Variants in KLHL32 observed in about 807,000 individuals in gnomAD.
The protein encoded by KLHL32 is kelch like family member 32.
KLHL32 carries 35 observed loss-of-function variants against 64.8 expected under a neutral mutation model. The observed-to-expected ratio is 0.54, with a 90% confidence interval of 0.41 to 0.72. The LOEUF is 0.72. Ranked by LOEUF, KLHL32 falls within the 30% of genes least tolerant of loss-of-function variation. KLHL32 has a pLI of 0.00. For synonymous variants in KLHL32, 259 were observed against 281.0 expected (o/e 0.92, Z 0.78); for missense variants, 589 against 768.5 (o/e 0.77, Z 2.76).
At chr6:97,092,077 C>T (rs1321245935) in intron 6 of KLHL32, among the ~76,000 whole-genome samples, 5 of 151,864 alleles carry the variant, frequency 3.3e-5, no homozygotes, top group African/African-American at 1.2e-4. Context: ...GCAACCTCCG[C>T]CTCCCGAGTT....
rs756884883 is a variant in KLHL32, at chr6:97,139,156, A to G, written c.1737A>G (p.Val579=). ...TAAGCAGAGAAGGCAAAGAAGAAGT[A>G]TTCTATGGGCCTACACTCCCTTTTG... ...LDVSREGKEE[V]FYGPTLPFAS... The change falls in exon 11 of 11, where the codon GTA becomes GTG. Residue 579 remains valine, a synonymous_variant. Coordinates refer to ENST00000369261, the MANE Select transcript of KLHL32 (RefSeq NM_052904.4). The G allele has an allele frequency of 1.9e-6, 3 of 1,613,918 alleles. No homozygotes were observed. The highest frequency in any genetic ancestry group is 2.2e-5 in the South Asian group (2 of 91,058).
At chr6:97,116,676 C>T (rs185981412) in intron 7 of KLHL32, among the ~76,000 whole-genome samples, 1 of 152,216 alleles carries the variant, frequency 6.6e-6, no homozygotes, top group South Asian at 2.1e-4. Flanking sequence ...GATTTAATAC[C>T]TTCTTCAGTG....
chr6:96,956,508 G>A (rs1036305526), intron 1 of KLHL32, among the ~76,000 whole-genome samples: 2 of 152,182 alleles, frequency 1.3e-5, no homozygotes, highest in African/African-American at 4.8e-5. Context: ...CTTTGAGTGT[G>A]TTGTGCTTCT....
intron 1 of KLHL32, among the ~76,000 whole-genome samples, chr6:96,961,582 G>A (rs1156561261): frequency 6.6e-6 from 1 of 152,144 alleles, no homozygotes; most frequent in Non-Finnish European, 1.5e-5. Flanking sequence ...TATTCACAAG[G>A]CTGCAATGTG....
intron 3 of KLHL32, among the ~76,000 whole-genome samples, chr6:97,014,249 C>T (rs1055215403): frequency 8.6e-5 from 13 of 151,166 alleles, no homozygotes; most frequent in African/African-American, 2.9e-4. Flanking sequence ...GAGCCGAAAT[C>T]GCGCCACTGC....
Position 97,114,400 on chromosome 6 carries a change from A to C in KLHL32, c.1245A>C (p.Thr415=). 6.2e-7 allele frequency: 1 copy of C among 1,614,232 alleles called. No homozygotes were observed. The highest frequency in any genetic ancestry group is 2.2e-5 in the East Asian group (1 of 44,884). Residue 415 remains threonine, a synonymous_variant, in exon 7 of 11, where the codon ACA becomes ACC. Transcript: ENST00000369261. ...GRNELRQVLP[T]VERYCPKKNK... ...ATGAACTGCGCCAGGTTCTGCCTAC[A>C]GTTGAGCGATATTGCCCCAAGAAGA...
At chr6:96,923,159 A>G (rs1410476188), upstream of KLHL32, among the ~76,000 whole-genome samples, 1 of 152,218 alleles carries the variant, frequency 6.6e-6, no homozygotes. Context: ...CTATTTAATT[A>G]TACTAAATAA....
intron 1 of KLHL32, among the ~76,000 whole-genome samples, chr6:96,961,960 C>T (rs1374415074): frequency 2.0e-5 from 3 of 152,204 alleles, no homozygotes; most frequent in African/African-American, 2.4e-5. Flanking sequence ...CTATAAGCAC[C>T]GTTACTACCG....
chr6:96,957,271 A>G (rs1010859103), intron 1 of KLHL32, among the ~76,000 whole-genome samples: 1 of 152,104 alleles, frequency 6.6e-6, no homozygotes, highest in Non-Finnish European at 1.5e-5. Context: ...TAAATTTGGG[A>G]ACTCTAAATC....
intron 1 of KLHL32, among the ~76,000 whole-genome samples, chr6:96,929,607 G>T (rs1272989027): frequency 6.6e-6 from 1 of 152,060 alleles, no homozygotes; most frequent in Non-Finnish European, 1.5e-5. Context: ...TCATTCCCAG[G>T]CCCTTCTTGT....
At chr6:97,022,976 G>T (rs1302374898) in intron 3 of KLHL32, among the ~76,000 whole-genome samples, 1 of 152,174 alleles carries the variant, frequency 6.6e-6, no homozygotes, top group Non-Finnish European at 1.5e-5. Flanking sequence ...GGAGCGAGAA[G>T]AGAGCAGGGG....
intron 1 of KLHL32, among the ~76,000 whole-genome samples, chr6:96,939,589 A>G (rs12662765): frequency 0.32 from 48,720 of 151,924 alleles, 8,159 homozygotes; most frequent in African/African-American, 0.4. Context: ...AAATGGAGAG[A>G]TTGGAGAGTG....
chr6:97,119,668 A>G (rs1436881451), intron 7 of KLHL32, among the ~76,000 whole-genome samples: 1 of 152,230 alleles, frequency 6.6e-6, no homozygotes, highest in African/African-American at 2.4e-5. Flanking sequence ...TCTAATACTA[A>G]TGAACAAGCA....
chr6:97,079,616 C>G (rs1454680520), intron 5 of KLHL32, among the ~76,000 whole-genome samples: 1 of 152,122 alleles, frequency 6.6e-6, no homozygotes, highest in Non-Finnish European at 1.5e-5. Flanking sequence ...ACTTGAAAAA[C>G]TGGTGTTTAT....
intron 4 of KLHL32, among the ~76,000 whole-genome samples, chr6:97,050,717 T>C (rs1786750761): frequency 6.6e-6 from 1 of 152,080 alleles, no homozygotes; most frequent in South Asian, 2.1e-4. Context: ...GAAAACACAA[T>C]GTGGGCTGGA....
At chr6:97,131,281 C>T (rs980014561) in intron 9 of KLHL32, among the ~76,000 whole-genome samples, 1 of 152,168 alleles carries the variant, frequency 6.6e-6, no homozygotes, top group East Asian at 1.9e-4. Context: ...TTTAATAACT[C>T]TTTACAGAAG....
chr6:97,044,946 A>G lies in KLHL32; in HGVS notation c.312+3347A>G, dbSNP rs957575520. The stretch of plus-strand genomic sequence containing the variant: ...AAGTTTTGTTGATTTTATCTTTTCA[A>G]ATAATGAAGTTTCACTTTCATTAAT... On this transcript the variant is annotated intron_variant, in intron 4 of 10. Transcript: ENST00000369261. Among the ~76,000 whole-genome samples, 143 of 152,016 alleles carry G rather than the reference A, an allele frequency of 9.4e-4. 1 individual carries two copies. Among genetic ancestry groups the G allele is most frequent in the Non-Finnish European group, 5.9e-5 (4 of 67,960 alleles).
Position 97,127,455 on chromosome 6 carries a change from C to G in KLHL32, c.1406C>G (p.Pro469Arg). 6.2e-7 allele frequency: 1 copy of G among 1,611,888 alleles called. No homozygotes were observed. Among genetic ancestry groups the G allele is most frequent in the Non-Finnish European group, 8.5e-7 (1 of 1,178,254 alleles). Residue 469 changes from proline to arginine, a missense_variant, in exon 8 of 11, where the codon CCT (proline) becomes CGT (arginine). Pro to Arg is a moderately radical substitution (Grantham distance 103, BLOSUM62 -2). Coordinates refer to ENST00000369261, the MANE Select transcript of KLHL32 (RefSeq NM_052904.4). ...CAGAACAGGCTAATGGTGTATGAAC[C>G]TAACCAGGTAAGAATCATGTAAGAA... The part of the protein sequence containing the change: ...QYQNRLMVYE[P>R]NQNKWISRSP...
chr6:97,073,092 T>G (rs1354410178), intron 5 of KLHL32, among the ~76,000 whole-genome samples: 1 of 152,216 alleles, frequency 6.6e-6, no homozygotes, highest in African/African-American at 2.4e-5. Context: ...TATAATGTGG[T>G]GCTTCACCTG....
Sources: allele counts gnomAD v4.1 joint callset (sites outside exome capture counted in the v4.1 genomes callset), GRCh38; gene constraint gnomAD v4.1.1; transcripts MANE v1.5; gene names NCBI Gene and HGNC (gene_info 2026-07-23, HGNC 2026-07-21).